Variants in IP6K2 observed in about 807,000 individuals in gnomAD.
IP6K2 encodes ATP:1D-myo-inositol-hexakisphosphate phosphotransferase.
In IP6K2, 9 loss-of-function variants were observed where a neutral mutation model predicts 43.3. The ratio of observed to expected loss-of-function variants is 0.21; its 90% CI spans 0.13 to 0.36. IP6K2 has a LOEUF of 0.36. Among genes scored for constraint, IP6K2 ranks in the 10% least tolerant of loss-of-function variants. The pLI is 1.00. For synonymous variants in IP6K2, 209 were observed against 202.4 expected, an observed-to-expected ratio of 1.03 and a Z score of -0.28; for missense variants, 332 against 538.4, an observed-to-expected ratio of 0.62 and a Z score of 3.79.
chr3:48,694,671 C>G, intron 2 of IP6K2: 2 of 1,505,130 alleles, frequency 1.3e-6, no homozygotes, highest in Non-Finnish European at 8.8e-7. Flanking sequence ...TTCCATCTGA[C>G]TCAACGCTGC....
Position 48,695,831 on chromosome 3 carries a change from TTA to T in IP6K2, c.-130-412_-130-411del, listed in dbSNP as rs2078276658. Among the ~76,000 whole-genome samples, 1 of 147,156 alleles carries T rather than the reference TTA, an allele frequency of 6.8e-6. No homozygotes were observed. The highest frequency in any genetic ancestry group is 2.5e-5 in the African/African-American group (1 of 40,590). On this transcript the variant is annotated intron_variant, in intron 1 of 5. Transcript: ENST00000328631. The surrounding 1 kb of genome is among the most constrained non-coding windows in gnomAD (Gnocchi z 4.6). ...CCAGGTCTCCCATTAATTTTATATA[TTA>T]TATATAATATATATTATATATATAA... is the stretch of plus-strand genomic sequence containing the variant.
intron 2 of IP6K2, chr3:48,694,375 C>A: frequency 6.5e-7 from 1 of 1,543,792 alleles, no homozygotes; most frequent in Non-Finnish European, 8.8e-7. Context: ...TTTCAACAGT[C>A]CCAAAAGAAC....
At chr3:48,704,844 C>T (rs1050979406) in intron 1 of IP6K2, among the ~76,000 whole-genome samples, 2 of 151,990 alleles carry the variant, frequency 1.3e-5, no homozygotes, top group Non-Finnish European at 2.9e-5. Context: ...ATGATCTCAC[C>T]TCACGGCAAC....
chr3:48,690,787 C>CAAAAAAAAA (rs538609739), intron 4 of IP6K2, among the ~76,000 whole-genome samples: 1 of 51,216 alleles, frequency 2.0e-5, no homozygotes. Flanking sequence ...GACTCTGTCT[C>CAAAAAAAAA]AAAAAAAAAA....
At chr3:48,689,746 AG>A in intron 4 of IP6K2, 33 bp from the exon 5 acceptor site, 1 of 1,592,564 alleles carries the variant, frequency 6.3e-7, no homozygotes, top group Non-Finnish European at 8.6e-7. Context: ...CCCAAAAGGA[AG>A]TGCTACTGCA....
chr3:48,709,087 G>A lies in IP6K2; in HGVS notation c.-131+8070C>T, dbSNP rs568890073. Among the ~76,000 whole-genome samples the A allele has an allele frequency of 2.6e-5, 4 of 152,272 alleles. No individual in the cohort carries two copies. The East Asian group carries it at 5.8e-4, about 22-fold the overall frequency. On this transcript the variant is annotated intron_variant, in intron 1 of 5. Coordinates refer to ENST00000328631, the MANE Select transcript of IP6K2 (RefSeq NM_016291.4). ...TGTCTCAAACAACCAAAAAAGTAAC[G>A]GTCCATTAGCTTCAGACAAGATTAT... is the stretch of plus-strand genomic sequence containing the variant.
intron 1 of IP6K2, among the ~76,000 whole-genome samples, chr3:48,714,689 C>T (rs1025752343): frequency 6.6e-6 from 1 of 152,126 alleles, no homozygotes; most frequent in Non-Finnish European, 1.5e-5. Flanking sequence ...CCAAGCCTGG[C>T]CCTGGCCCTT....
At position 48,688,042 on chromosome 3, in the gene IP6K2, C is replaced by T. The variant is rs762470569; in HGVS notation, c.*231G>A. ...AGATTTGTATTAGAACATATACACT[C>T]AGGGAAGAAAGAGGTATCATCATCA... On this transcript the variant is annotated 3_prime_UTR_variant, in exon 6 of 6. Coordinates refer to ENST00000328631, the MANE Select transcript of IP6K2 (RefSeq NM_016291.4). This position sits in a 1 kb window ranked among gnomAD's most constrained non-coding sequence, Gnocchi z 5.1. The T allele has an allele frequency of 3.3e-4, 190 of 574,566 alleles. 1 individual carries two copies. In the Middle Eastern group the frequency reaches 5.6e-3, roughly 17 times the overall value. 35.6% of individuals were successfully genotyped at this position (574,566 alleles called of 1,614,324 possible). A position where few individuals can be genotyped will look rare whatever the true frequency, so the allele number is the denominator to read the frequency against.
At chr3:48,714,797 G>C (rs565370835) in intron 1 of IP6K2, among the ~76,000 whole-genome samples, 4 of 140,108 alleles carry the variant, frequency 2.9e-5, no homozygotes, top group African/African-American at 8.0e-5. Context: ...GCAGTGAGCC[G>C]AGATCGCACC....
intron 1 of IP6K2, among the ~76,000 whole-genome samples, chr3:48,708,507 A>G (rs757830231): frequency 3.3e-5 from 5 of 152,050 alleles, no homozygotes; most frequent in African/African-American, 1.2e-4. Context: ...CTAGGATTAC[A>G]AGGCATGAGT....
intron 2 of IP6K2, chr3:48,693,987 T>TG: frequency 1.5e-6 from 2 of 1,374,832 alleles, no homozygotes; most frequent in Non-Finnish European, 1.9e-6. Context: ...GACGAGCGCC[T>TG]TACAAACGAC....
Position 48,688,867 on chromosome 3 carries a change from G to T in IP6K2, c.781-94C>A. On this transcript the variant is annotated intron_variant, in intron 5 of 5. Coordinates refer to ENST00000328631, the MANE Select transcript of IP6K2 (RefSeq NM_016291.4). This position sits in a 1 kb window ranked among gnomAD's most constrained non-coding sequence, Gnocchi z 5.1. Reference sequence around the variant, plus strand: ...GGGTGGTGTGGTGGTGGCGGCATGTGACAGCCCAGATCAGATAAAGTACAC... The same window carrying T: ...GGGTGGTGTGGTGGTGGCGGCATGTTACAGCCCAGATCAGATAAAGTACAC... 1 of 1,329,002 alleles carries T rather than the reference G, an allele frequency of 7.5e-7. No individual in the cohort carries two copies. The highest frequency in any genetic ancestry group is 1.0e-6 in the Non-Finnish European group (1 of 968,564). 82.3% of individuals were successfully genotyped at this position (1,329,002 alleles called of 1,614,324 possible).
Position 48,688,424 on chromosome 3 carries a change from A to C in IP6K2, c.1130T>G (p.Val377Gly). 1 of 1,614,228 alleles carries C rather than the reference A, an allele frequency of 6.2e-7. No homozygotes were observed. Among genetic ancestry groups the C allele is most frequent in the Non-Finnish European group, 8.5e-7 (1 of 1,180,032 alleles). Residue 377 changes from valine to glycine, a missense_variant, in exon 6 of 6, where the codon GTA becomes GGA. By Grantham distance (109) the Val-to-Gly change is moderately radical. Coordinates refer to ENST00000328631, the MANE Select transcript of IP6K2 (RefSeq NM_016291.4). The surrounding 1 kb of genome is among the most constrained non-coding windows in gnomAD (Gnocchi z 5.1). The part of the protein sequence containing the change: ...YAYKPIGASS[V>G]DVRMIDFAHT... ...TGCAAAGTCGATCATGCGCACATCT[A>C]CAGAGCTGGCGCCGATGGGTTTGTA...
intron 1 of IP6K2, among the ~76,000 whole-genome samples, chr3:48,714,241 AT>A (rs1400105049): frequency 6.6e-6 from 1 of 152,098 alleles, no homozygotes; most frequent in Non-Finnish European, 1.5e-5. Context: ...TAATTTTTGT[AT>A]TTTTAGTAGA....
intron 1 of IP6K2, among the ~76,000 whole-genome samples, chr3:48,709,273 G>C (rs1242971142): frequency 1.3e-5 from 2 of 152,234 alleles, no homozygotes; most frequent in Non-Finnish European, 2.9e-5. Flanking sequence ...GCCCAGGCAA[G>C]CACCTGAGTG....
chr3:48,694,124 G>A, intron 2 of IP6K2: 2 of 1,521,796 alleles, frequency 1.3e-6, no homozygotes, highest in East Asian at 2.5e-5. Context: ...CCAGCTCTGG[G>A]TGCAGAGGAG....
rs1021790628 is a variant in IP6K2, at chr3:48,709,477, G to C, written c.-131+7680C>G. On this transcript the variant is annotated intron_variant, in intron 1 of 5. Coordinates refer to ENST00000328631, the MANE Select transcript of IP6K2 (RefSeq NM_016291.4). Reference sequence around the variant, plus strand: ...GTATCACCCAACCCACTTGGCCTGAGTGCAGTCAGTGTTCTTCCAGACCAG... The same window carrying C: ...GTATCACCCAACCCACTTGGCCTGACTGCAGTCAGTGTTCTTCCAGACCAG... 7.2e-5 allele frequency among the ~76,000 whole-genome samples: 11 copies of C among 152,290 alleles called. No individual in the cohort carries two copies. In the South Asian group the frequency reaches 1.0e-3, roughly 14 times the overall value.
intron 1 of IP6K2, among the ~76,000 whole-genome samples, chr3:48,709,173 A>G (rs1312061161): frequency 6.6e-6 from 1 of 152,218 alleles, no homozygotes; most frequent in Non-Finnish European, 1.5e-5. Context: ...GCCAAACCCA[A>G]ATGACACATG....
intron 1 of IP6K2, among the ~76,000 whole-genome samples, chr3:48,713,427 C>T (rs761080132): frequency 1.3e-5 from 2 of 152,228 alleles, no homozygotes; most frequent in Admixed American, 6.5e-5. Context: ...GAGCAGGCAA[C>T]GTGGCAGCCT....
Sources: allele counts gnomAD v4.1 joint callset (sites outside exome capture counted in the v4.1 genomes callset), GRCh38; gene constraint gnomAD v4.1.1; non-coding constraint Gnocchi (gnomAD v3.1); transcripts MANE v1.5; gene names NCBI Gene and HGNC (gene_info 2026-07-23, HGNC 2026-07-21).